FRMD5: variants seen among roughly 807,000 people sequenced by gnomAD.
FRMD5 encodes the protein FERM domain containing 5.
Under a neutral mutation model 69.0 loss-of-function variants are expected in FRMD5, and 20 were observed. The observed-to-expected ratio is 0.29, with a 90% CI of 0.20 to 0.42. The LOEUF (loss-of-function observed/expected upper bound fraction) is 0.42. Ranked by LOEUF, FRMD5 falls within the 10% of genes least tolerant of loss-of-function variation. FRMD5 has a pLI of 1.00. For missense variants in FRMD5, 595 were observed against 708.6 expected (o/e 0.84, Z 1.82); for synonymous variants, 271 against 260.1 (o/e 1.04, Z -0.40).
In FRMD5 at chr15:44,156,000, A is replaced by C. The variant is rs141780845; in HGVS notation, c.102+38953T>G. On this transcript the variant is annotated intron_variant, in intron 1 of 13. Coordinates refer to ENST00000417257, the MANE Select transcript of FRMD5 (RefSeq NM_032892.5). ...GGAAAGCAGGAAAAAAAGAGCTGATAGTCATGAAAAACAGCACAGTGTCAC... is the reference window on the plus strand; with the variant it reads ...GGAAAGCAGGAAAAAAAGAGCTGATCGTCATGAAAAACAGCACAGTGTCAC... Among the ~76,000 whole-genome samples, 14 of 152,320 alleles carry C rather than the reference A, an allele frequency of 9.2e-5. No homozygotes were observed. In the East Asian group the frequency reaches 2.7e-3, roughly 29 times the overall value.
intron 1 of FRMD5, among the ~76,000 whole-genome samples, chr15:43,930,052 G>A (rs1310409698): frequency 6.6e-6 from 1 of 152,164 alleles, no homozygotes; most frequent in Admixed American, 6.5e-5. Flanking sequence ...GCTACACCCA[G>A]CCCAGCTTTC....
chr15:43,914,330 C>T (rs1174915647), intron 4 of FRMD5, among the ~76,000 whole-genome samples: 1 of 152,160 alleles, frequency 6.6e-6, no homozygotes, highest in Non-Finnish European at 1.5e-5. Context: ...CCCCTATTTA[C>T]TATTTCCTTT....
At chr15:43,911,765 T>A (rs893409671) in intron 4 of FRMD5, among the ~76,000 whole-genome samples, 1 of 152,200 alleles carries the variant, frequency 6.6e-6, no homozygotes, top group African/African-American at 2.4e-5. Context: ...CCCTGGACAG[T>A]TGGAGGTTTC....
At chr15:44,110,876 G>A (rs1448258866) in intron 1 of FRMD5, among the ~76,000 whole-genome samples, 1 of 152,140 alleles carries the variant, frequency 6.6e-6, no homozygotes, top group Non-Finnish European at 1.5e-5. Flanking sequence ...TTTGAAAAGT[G>A]CTTGCCTATT....
chr15:43,963,830 C>T (rs2090246590), intron 1 of FRMD5, among the ~76,000 whole-genome samples: 1 of 152,114 alleles, frequency 6.6e-6, no homozygotes, highest in Admixed American at 6.5e-5. Flanking sequence ...ACCAGACGTT[C>T]TCACTCACAG....
At chr15:44,121,601 G>C (rs957053633) in intron 1 of FRMD5, among the ~76,000 whole-genome samples, 1 of 150,878 alleles carries the variant, frequency 6.6e-6, no homozygotes, top group African/African-American at 2.4e-5. Flanking sequence ...TTTCTCTCTA[G>C]TTTTCTAGAT....
At chr15:43,989,429 T>G in intron 1 of FRMD5, 1 of 790,910 alleles carries the variant, frequency 1.3e-6, no homozygotes, top group Non-Finnish European at 2.3e-6. Flanking sequence ...CAGAACTGCT[T>G]TTGCCGATGA....
chr15:44,164,368 A>C (rs2077673580), intron 1 of FRMD5, among the ~76,000 whole-genome samples: 1 of 152,250 alleles, frequency 6.6e-6, no homozygotes, highest in South Asian at 2.1e-4. Context: ...TACCATGTTC[A>C]CATATTATTG....
intron 1 of FRMD5, among the ~76,000 whole-genome samples, chr15:44,096,984 G>A (rs766088213): frequency 5.1e-4 from 78 of 152,128 alleles, no homozygotes; most frequent in Non-Finnish European, 7.2e-4. Flanking sequence ...GCTTTGGAAA[G>A]TACAAAAAGC....
At chr15:43,994,455 T>A (rs115785797) in intron 1 of FRMD5, among the ~76,000 whole-genome samples, 1,691 of 152,328 alleles carry the variant, frequency 0.011, 24 homozygotes, top group African/African-American at 0.038. Context: ...TATTTTTATT[T>A]TACTTTTCTG....
chr15:44,171,926 G>C (rs1347697686), intron 1 of FRMD5, among the ~76,000 whole-genome samples: 1 of 152,074 alleles, frequency 6.6e-6, no homozygotes, highest in Non-Finnish European at 1.5e-5. Flanking sequence ...CCATGCCCCA[G>C]CTAATTTTTA....
At chr15:44,069,521 C>T (rs762437377) in intron 1 of FRMD5, among the ~76,000 whole-genome samples, 4 of 151,976 alleles carry the variant, frequency 2.6e-5, no homozygotes, top group Non-Finnish European at 4.4e-5. Context: ...CAACAACCTA[C>T]ATTAATCTTC....
chr15:44,120,309 A>T (rs185324983), intron 1 of FRMD5, among the ~76,000 whole-genome samples: 28 of 152,346 alleles, frequency 1.8e-4, no homozygotes, highest in Admixed American at 7.2e-4. Flanking sequence ...AGGCCACTGG[A>T]GCTCAGGCAA....
chr15:43,939,486 G>A (rs1458753888), intron 1 of FRMD5, among the ~76,000 whole-genome samples: 1 of 152,152 alleles, frequency 6.6e-6, no homozygotes, highest in South Asian at 2.1e-4. Context: ...TTGGCTCTGT[G>A]GGTTTTTCTC....
intron 1 of FRMD5, among the ~76,000 whole-genome samples, chr15:44,082,080 T>C (rs1894018605): frequency 6.6e-6 from 1 of 152,024 alleles, no homozygotes; most frequent in Non-Finnish European, 1.5e-5. Flanking sequence ...ATAAATTGAA[T>C]TTTTTATTTT....
intron 1 of FRMD5, among the ~76,000 whole-genome samples, chr15:44,170,538 C>T (rs1442077700): frequency 6.6e-6 from 1 of 151,362 alleles, no homozygotes; most frequent in African/African-American, 2.4e-5. Context: ...AAAAAAAAAA[C>T]TTTAAATATG....
intron 1 of FRMD5, among the ~76,000 whole-genome samples, chr15:43,999,736 T>A (rs933706141): frequency 6.6e-6 from 1 of 151,970 alleles, no homozygotes; most frequent in Non-Finnish European, 1.5e-5. Context: ...GCATTCATGT[T>A]GTCACAAATG....
intron 1 of FRMD5, among the ~76,000 whole-genome samples, chr15:43,958,172 T>C (rs1208946263): frequency 6.6e-6 from 1 of 152,214 alleles, no homozygotes; most frequent in Non-Finnish European, 1.5e-5. Flanking sequence ...GACTCATTTG[T>C]GCATACACTA....
At chr15:44,125,657 A>G (rs2077015734) in intron 1 of FRMD5, among the ~76,000 whole-genome samples, 1 of 152,242 alleles carries the variant, frequency 6.6e-6, no homozygotes, top group Non-Finnish European at 1.5e-5. Flanking sequence ...CAGACAAAAT[A>G]AAAACTCTTA....
Sources: gnomAD v4.1 joint callset for allele counts (sites outside exome capture counted in the v4.1 genomes callset) on GRCh38, gnomAD v4.1.1 for gene constraint, MANE v1.5 for transcripts, NCBI Gene and HGNC (gene_info 2026-07-23, HGNC 2026-07-21) for gene names.